The following CLINT1 variants were observed in gnomAD, a reference collection of about 807,000 sequenced individuals.
The protein encoded by CLINT1 is clathrin interacting protein localized in the trans-Golgi region.
In CLINT1, 15 loss-of-function variants were observed where a neutral mutation model predicts 70.4. The ratio of observed to expected loss-of-function variants is 0.21; its 90% confidence interval spans 0.14 to 0.33. The LOEUF is 0.33. Among genes scored for constraint, CLINT1 ranks in the 10% least tolerant of loss-of-function variants. The pLI is 1.00. For synonymous variants in CLINT1, 227 were observed against 254.7 expected (o/e 0.89, Z 1.04); for missense variants, 615 against 778.1 (o/e 0.79, Z 2.49).
chr5:157,828,517 CG>C (rs1763109139), intron 1 of CLINT1, among the ~76,000 whole-genome samples: 1 of 151,832 alleles, frequency 6.6e-6, no homozygotes, highest in African/African-American at 2.4e-5. Context: ...GAGCAAAGCC[CG>C]GAAGAACCAA....
intron 1 of CLINT1, among the ~76,000 whole-genome samples, chr5:157,835,624 TG>T (rs1763394386): frequency 6.6e-6 from 1 of 151,956 alleles, no homozygotes; most frequent in African/African-American, 2.4e-5. Context: ...GTGAACTCCA[TG>T]ATATCTTGGG....
intron 1 of CLINT1, among the ~76,000 whole-genome samples, chr5:157,838,755 T>C (rs184314629): frequency 6.6e-6 from 1 of 152,252 alleles, no homozygotes; most frequent in East Asian, 1.9e-4. Context: ...AGGAAGAATA[T>C]ATTCTATGGG....
intron 1 of CLINT1, among the ~76,000 whole-genome samples, chr5:157,821,284 A>G (rs1272449350): frequency 1.3e-5 from 2 of 152,196 alleles, no homozygotes; most frequent in African/African-American, 4.8e-5. Context: ...GACCCACAAA[A>G]TATCTAATGA....
intron 1 of CLINT1, among the ~76,000 whole-genome samples, chr5:157,845,215 G>T (rs1299771148): frequency 6.6e-6 from 1 of 152,084 alleles, no homozygotes; most frequent in Non-Finnish European, 1.5e-5. Context: ...CTGGCGTGGT[G>T]GCACACGCTT....
At chr5:157,808,706 C>T (rs1762458078) in intron 6 of CLINT1, among the ~76,000 whole-genome samples, 1 of 151,858 alleles carries the variant, frequency 6.6e-6, no homozygotes, top group Admixed American at 6.6e-5. Context: ...AACTAAATAC[C>T]ATCAGAAAAT....
intron 8 of CLINT1, among the ~76,000 whole-genome samples, chr5:157,801,203 G>A (rs1172824103): frequency 1.3e-5 from 2 of 152,054 alleles, no homozygotes; most frequent in African/African-American, 4.8e-5. Flanking sequence ...AAAGGGAATT[G>A]AAGAATTTCA....
rs759088272 is a variant in CLINT1, at chr5:157,813,143, C to T, written c.437G>A (p.Arg146His). Reference protein sequence around the residue: ...VEFAQDDDRLREERKKAKKNK... With the variant: ...VEFAQDDDRLHEERKKAKKNK... Reference sequence around the variant, plus strand: ...CTTCTTTGCTTTCTTTCGCTCTTCACGAAGCCTGTCGTCATCCTGGGCAAA... The same window carrying T: ...CTTCTTTGCTTTCTTTCGCTCTTCATGAAGCCTGTCGTCATCCTGGGCAAA... The change falls in exon 5 of 12, where the codon CGT becomes CAT. Residue 146 changes from arginine (R) to histidine (H), a missense_variant. Physicochemically the swap from Arg to His is conservative, Grantham distance 29 (BLOSUM62 0). Around this residue, in one of 2 missense-constraint regions of CLINT1, gnomAD observed 241 missense variants for 368.6 expected, o/e 0.65. Coordinates refer to ENST00000411809, the MANE Select transcript of CLINT1 (RefSeq NM_014666.4). 8 of 1,613,836 alleles carry T rather than the reference C, an allele frequency of 5.0e-6. No homozygotes were observed. Among genetic ancestry groups the T allele is most frequent in the South Asian group, 3.3e-5 (3 of 91,082 alleles).
intron 1 of CLINT1, among the ~76,000 whole-genome samples, chr5:157,849,710 AAGAAAATTGAACAT>A (rs1231114684): frequency 2.0e-5 from 3 of 152,332 alleles, no homozygotes; most frequent in African/African-American, 7.2e-5. Context: ...ATTTCCTCAT[AAGAAAATTGAACAT>A]AACAATGTTG....
At chr5:157,815,586 A>C (rs1375764560) in intron 3 of CLINT1, among the ~76,000 whole-genome samples, 1 of 152,184 alleles carries the variant, frequency 6.6e-6, no homozygotes, top group African/African-American at 2.4e-5. Context: ...AGGTTGGTAA[A>C]ACTGAGGGAC....
rs540805308 is a variant in CLINT1, at chr5:157,787,467, G to A, written c.*179C>T. On this transcript the variant is annotated 3_prime_UTR_variant, in exon 12 of 12. Transcript: ENST00000411809. ...TGACTGCCTCATCTGAAGTGCTCTTGCCTGGCCCTCTGAAATACTGGATAT... is the reference window on the plus strand; with the variant it reads ...TGACTGCCTCATCTGAAGTGCTCTTACCTGGCCCTCTGAAATACTGGATAT... The A allele has an allele frequency of 9.1e-4, 568 of 626,366 alleles. No homozygotes were observed. The highest frequency in any genetic ancestry group is 1.3e-3 in the Non-Finnish European group (481 of 362,022). 38.8% of individuals were successfully genotyped at this position (626,366 alleles called of 1,614,324 possible). A position where few individuals can be genotyped will look rare whatever the true frequency, so the allele number is the denominator to read the frequency against.
chr5:157,830,443 G>GT (rs1763185675), intron 1 of CLINT1, among the ~76,000 whole-genome samples: 1 of 151,834 alleles, frequency 6.6e-6, no homozygotes, highest in East Asian at 1.9e-4. Flanking sequence ...TTTAAAACTC[G>GT]TTTTTTACTG....
At chr5:157,800,661 T>C (rs1474754889) in intron 8 of CLINT1, among the ~76,000 whole-genome samples, 4 of 152,178 alleles carry the variant, frequency 2.6e-5, no homozygotes, top group Non-Finnish European at 5.9e-5. Flanking sequence ...TTTATTAAGA[T>C]AAAATAAAAT....
At chr5:157,823,693 CTCT>C in intron 1 of CLINT1, 1 of 556,202 alleles carries the variant, frequency 1.8e-6, no homozygotes, top group Non-Finnish European at 2.3e-6. Flanking sequence ...AAATTAAATG[CTCT>C]TATTAAGTAT....
At chr5:157,850,611 T>TTA (rs1753539034) in intron 1 of CLINT1, among the ~76,000 whole-genome samples, 1 of 29,558 alleles carries the variant, frequency 3.4e-5, no homozygotes, top group African/African-American at 1.9e-4. Context: ...AGACCCTGTC[T>TTA]CAAAAAAAAA....
chr5:157,835,188 T>C (rs2113280333), intron 1 of CLINT1, among the ~76,000 whole-genome samples: 1 of 152,332 alleles, frequency 6.6e-6, no homozygotes, highest in Non-Finnish European at 1.5e-5. Context: ...CTGAGCATAG[T>C]GTTCAAGTGC....
At position 157,787,867 on chromosome 5, in the gene CLINT1, T is replaced by A; in HGVS notation, c.1657A>T (p.Met553Leu). 1 of 1,613,962 alleles carries A rather than the reference T, an allele frequency of 6.2e-7. No individual in the cohort carries two copies. The highest frequency in any genetic ancestry group is 8.5e-7 in the Non-Finnish European group (1 of 1,179,856). ...ATGGTGCCAGTCATCACATTGGGCA[T>A]GCTCATAGGCATGGGTCCCCCTATC... ...ALIGGPMPMS[M>L]PNVMTGTMGM... The change falls in exon 12 of 12, where the codon ATG (methionine) becomes TTG (leucine). Residue 553 changes from methionine to leucine, a missense_variant. This residue lies in a region of CLINT1 where 374 missense variants were observed against 409.6 expected (regional missense o/e 0.91). Transcript: ENST00000411809.
rs925290368 is a variant in CLINT1 at position 157,803,638 on chromosome 5, G to A, written c.1012+12C>T. On this transcript the variant is annotated intron_variant, in intron 8 of 11. Transcript: ENST00000411809. Reference sequence around the variant, plus strand: ...TCTCAAACCAAAAGAAAAGGCCAATGTAGAAGCTTACCTGTTGACTGGCTG... The same window carrying A: ...TCTCAAACCAAAAGAAAAGGCCAATATAGAAGCTTACCTGTTGACTGGCTG... 1 of 1,481,756 alleles carries A rather than the reference G, an allele frequency of 6.7e-7. No homozygotes were observed. Among genetic ancestry groups the A allele is most frequent in the East Asian group, 2.4e-5 (1 of 41,976 alleles). The allele number at this position is 1,481,756 out of a possible 1,614,324, so 91.8% of individuals were successfully genotyped here.
intron 1 of CLINT1, among the ~76,000 whole-genome samples, chr5:157,858,700 G>A (rs929651294): frequency 1.3e-5 from 2 of 152,236 alleles, no homozygotes; most frequent in African/African-American, 4.8e-5. Flanking sequence ...GGCCTGGAAA[G>A]GAGAGAAGGG....
At chr5:157,815,210 G>A (rs1215615732) in intron 3 of CLINT1, among the ~76,000 whole-genome samples, 1 of 151,876 alleles carries the variant, frequency 6.6e-6, no homozygotes, top group African/African-American at 2.4e-5. Flanking sequence ...TGAGGCAGGA[G>A]GATCTCTTGA....
Sources: gnomAD v4.1 joint callset for allele counts (sites outside exome capture counted in the v4.1 genomes callset) on GRCh38, gnomAD v4.1.1 for gene constraint, gnomAD v4.1.1 regional missense constraint, MANE v1.5 for transcripts, NCBI Gene and HGNC (gene_info 2026-07-23, HGNC 2026-07-21) for gene names.